The following RSL1D1 variants were observed in gnomAD, a reference collection of about 807,000 sequenced individuals.
The protein encoded by RSL1D1 is ribosomal L1 domain-containing protein 1.
A neutral mutation model predicts 44.6 loss-of-function variants in RSL1D1; 34 were observed. That is an observed-to-expected ratio of 0.76 (90% CI 0.58 to 1.02). The LOEUF (loss-of-function observed/expected upper bound fraction) is 1.02. RSL1D1 is among the 50% of genes least tolerant of loss of function. The pLI, the probability that RSL1D1 is intolerant of heterozygous loss-of-function variation, is 0.00. For missense variants in RSL1D1, 767 were observed against 568.1 expected (o/e 1.35, Z -3.56); for synonymous variants, 271 against 207.4 (o/e 1.31, Z -2.63).
intron 2 of RSL1D1, among the ~76,000 whole-genome samples, chr16:11,849,764 C>T (rs1031510649): frequency 2.4e-4 from 36 of 152,306 alleles, no homozygotes; most frequent in South Asian, 2.1e-4. Flanking sequence ...GACCTGATTA[C>T]GTTAGCTGTC....
chr16:11,848,152 C>G (rs556626872), intron 2 of RSL1D1, among the ~76,000 whole-genome samples: 10 of 152,116 alleles, frequency 6.6e-5, no homozygotes, highest in Non-Finnish European at 1.0e-4. Flanking sequence ...ACTTGAGAGT[C>G]TGAGGCAGGA....
intron 5 of RSL1D1, among the ~76,000 whole-genome samples, chr16:11,843,639 T>C (rs940578057): frequency 1.3e-5 from 2 of 151,494 alleles, no homozygotes; most frequent in Admixed American, 6.6e-5. Flanking sequence ...GAGGCCAAGG[T>C]GGGCAGATCA....
intron 5 of RSL1D1, among the ~76,000 whole-genome samples, chr16:11,843,749 T>G (rs953119249): frequency 6.6e-6 from 1 of 151,210 alleles, no homozygotes; most frequent in Non-Finnish European, 1.5e-5. Context: ...TGGGCGCCTA[T>G]AGTCCCAGCT....
In RSL1D1 at chr16:11,837,932, CT is replaced by C; in HGVS notation, c.1327del (p.Ser443ValfsTer28). 2 of 1,613,992 alleles carry C rather than the reference CT, an allele frequency of 1.2e-6. No homozygotes were observed. Among genetic ancestry groups the C allele is most frequent in the Non-Finnish European group, 1.7e-6 (2 of 1,180,002 alleles). On this transcript the variant is annotated frameshift_variant, in exon 9 of 9. Transcript: ENST00000571133. LOFTEE classifies it low-confidence loss of function (END_TRUNC). ...KIKEEAVKEK[S>X]PSLGKKDARQ... Reference sequence around the variant, plus strand: ...CGCATCTTTTTTCCCCAGCGAAGGACTTTTTTCCTTCACTGCCTCTTCTTTG... The same window carrying C: ...CGCATCTTTTTTCCCCAGCGAAGGACTTTTTCCTTCACTGCCTCTTCTTTG...
In RSL1D1 at chr16:11,841,771, G is replaced by A; in HGVS notation, c.779C>T (p.Ala260Val). ...LLFVKTEKSA[A>V]LPIFSSFVSN... ...GACAAACGAGGAAAAGATGGGAAGT[G>A]CAGCCGATTTCTCAGTTTTCACAAA... is the stretch of plus-strand genomic sequence containing the variant. Residue 260 changes from alanine to valine, a missense_variant, in exon 7 of 9, where the codon GCA becomes GTA. Coordinates refer to ENST00000571133, the MANE Select transcript of RSL1D1 (RefSeq NM_015659.3). The A allele has an allele frequency of 1.2e-6, 2 of 1,614,030 alleles. No homozygotes were observed. The highest frequency in any genetic ancestry group is 1.1e-5 in the South Asian group (1 of 91,052).
chr16:11,843,436 G>A (rs918088922), intron 5 of RSL1D1, among the ~76,000 whole-genome samples: 1 of 152,088 alleles, frequency 6.6e-6, no homozygotes, highest in African/African-American at 2.4e-5. Flanking sequence ...GGCAGGGCCA[G>A]AGGAGGTTCT....
intron 5 of RSL1D1, among the ~76,000 whole-genome samples, chr16:11,845,272 G>C (rs1340415421): frequency 6.6e-6 from 1 of 152,148 alleles, no homozygotes; most frequent in Non-Finnish European, 1.5e-5. Context: ...GGGCAAAATA[G>C]TGAGACCCCG....
chr16:11,843,598 G>A (rs984228420), intron 5 of RSL1D1, among the ~76,000 whole-genome samples: 1 of 151,820 alleles, frequency 6.6e-6, no homozygotes, highest in South Asian at 2.1e-4. Context: ...GCTGGGCGTG[G>A]TGGCTCACGC....
intron 3 of RSL1D1, 146 bp downstream of exon 3, chr16:11,847,522 G>T: frequency 1.5e-6 from 1 of 672,064 alleles, no homozygotes; most frequent in Non-Finnish European, 2.5e-6. Flanking sequence ...AGATATAAAA[G>T]CTACTGATGT....
Position 11,843,683 on chromosome 16 carries a change from A to G in RSL1D1, c.636-1683T>C, listed in dbSNP as rs370128735. Among the ~76,000 whole-genome samples, 22 of 151,882 alleles carry G rather than the reference A, an allele frequency of 1.4e-4. No individual in the cohort carries two copies. In the East Asian group the frequency reaches 3.8e-3, roughly 26 times the overall value. ...GGAGACCGAGACCATCCTGGTTAACATGGTAAAACACCGTCTCTACTAAAA... is the reference window on the plus strand; with the variant it reads ...GGAGACCGAGACCATCCTGGTTAACGTGGTAAAACACCGTCTCTACTAAAA... On this transcript the variant is annotated intron_variant, in intron 5 of 8. Coordinates refer to ENST00000571133, the MANE Select transcript of RSL1D1 (RefSeq NM_015659.3).
intron 5 of RSL1D1, 66 bp from the exon 6 acceptor site, chr16:11,842,066 A>T: frequency 9.1e-7 from 1 of 1,101,276 alleles, no homozygotes; most frequent in South Asian, 1.4e-5. Flanking sequence ...CCAGGCAGGT[A>T]TATGAGAAAT....
At chr16:11,841,552 T>A in intron 7 of RSL1D1, 143 bp downstream of exon 7, 1 of 691,070 alleles carries the variant, frequency 1.4e-6, no homozygotes, top group East Asian at 2.7e-5. Flanking sequence ...CCATTTTACC[T>A]CATGTAAAGT....
At chr16:11,841,598 C>A (rs1215823984) in intron 7 of RSL1D1, 97 bp downstream of exon 7, 3 of 1,141,576 alleles carry the variant, frequency 2.6e-6, no homozygotes, top group Non-Finnish European at 2.5e-6. Context: ...CAGAAGATAA[C>A]TGAAAAGTCG....
Position 11,839,895 on chromosome 16 carries a change from G to C in RSL1D1, c.946C>G (p.Leu316Val). The part of the protein sequence containing the change: ...RQQARKTASV[L>V]SKDDVAPESG... ...TCAGGTGCCACATCATCTTTACTAAGAACTGATGCAGTCTTCCTAGCCTGC... is the reference window on the plus strand; with the variant it reads ...TCAGGTGCCACATCATCTTTACTAACAACTGATGCAGTCTTCCTAGCCTGC... Residue 316 changes from leucine (L) to valine (V), a missense_variant, in exon 8 of 9, where the codon CTT becomes GTT. Physicochemically the swap from Leu to Val is conservative, Grantham distance 32 (BLOSUM62 1). Transcript: ENST00000571133. 1.2e-6 allele frequency: 2 copies of C among 1,614,096 alleles called. No individual in the cohort carries two copies. The highest frequency in any genetic ancestry group is 8.5e-7 in the Non-Finnish European group (1 of 1,180,026).
chr16:11,837,781 C>A lies in RSL1D1; in HGVS notation c.*6G>T. The A allele has an allele frequency of 1.3e-6, 2 of 1,592,948 alleles. No individual in the cohort carries two copies. The highest frequency in any genetic ancestry group is 8.5e-7 in the Non-Finnish European group (1 of 1,170,164). ...TTGAGGTTTCCTTCCAGTTGAATCA[C>A]TGACTTTAGGTCGACTGGGGTACTT... is the stretch of plus-strand genomic sequence containing the variant. On this transcript the variant is annotated 3_prime_UTR_variant, in exon 9 of 9. Coordinates refer to ENST00000571133, the MANE Select transcript of RSL1D1 (RefSeq NM_015659.3).
In RSL1D1 at chr16:11,839,526, TAAAAA is replaced by T. The variant is rs55657359; in HGVS notation, c.1146+164_1146+168del. Among the ~76,000 whole-genome samples the T allele has an allele frequency of 3.2e-3, 392 of 121,420 alleles. 3 individuals carry two copies. Among genetic ancestry groups the T allele is most frequent in the African/African-American group, 0.012 (370 of 31,744 alleles). 79.7% of individuals were successfully genotyped at this position (121,420 alleles called of 152,430 possible). ...CTGGGCAATATAGCAAGATCCCATCTAAAAAAAAAAAAAAAAAAAAGGTACAATAA... is the reference window on the plus strand; with the variant it reads ...CTGGGCAATATAGCAAGATCCCATCTAAAAAAAAAAAAAAAGGTACAATAA... On this transcript the variant is annotated intron_variant, in intron 8 of 8. Coordinates refer to ENST00000571133, the MANE Select transcript of RSL1D1 (RefSeq NM_015659.3).
intron 2 of RSL1D1, chr16:11,849,315 G>A (rs1261262676): frequency 6.6e-6 from 1 of 151,554 alleles, no homozygotes; most frequent in African/African-American, 2.4e-5. Context: ...TCAGGTCAGG[G>A]AGGTTGAGGT....
chr16:11,850,308 T>C lies in RSL1D1; in HGVS notation c.216A>G (p.Lys72=). ...ESLFLMVVLW[K]IPSKELRVRL... Reference sequence around the variant, plus strand: ...TGACCCTCAGTTCTTTACTTGGAATTTTCCATAATACCACCATTAAAAATA... The same window carrying C: ...TGACCCTCAGTTCTTTACTTGGAATCTTCCATAATACCACCATTAAAAATA... Residue 72 remains lysine (K), a synonymous_variant, in exon 2 of 9, where the codon AAA becomes AAG. Transcript: ENST00000571133. 1 of 1,586,696 alleles carries C rather than the reference T, an allele frequency of 6.3e-7. No individual in the cohort carries two copies. Among genetic ancestry groups the C allele is most frequent in the Non-Finnish European group, 8.5e-7 (1 of 1,173,174 alleles).
intron 5 of RSL1D1, among the ~76,000 whole-genome samples, chr16:11,843,600 G>A (rs1322295359): frequency 2.0e-5 from 3 of 151,216 alleles, no homozygotes; most frequent in African/African-American, 4.8e-5. Flanking sequence ...TGGGCGTGGT[G>A]GCTCACGCCT....
Sources: gnomAD v4.1 joint callset for allele counts (sites outside exome capture counted in the v4.1 genomes callset) on GRCh38, gnomAD v4.1.1 for gene constraint, MANE v1.5 for transcripts, NCBI Gene and HGNC (gene_info 2026-07-23, HGNC 2026-07-21) for gene names.